The following PSTPIP1 variants were observed in gnomAD, a reference collection of about 807,000 sequenced individuals.
PSTPIP1 encodes the protein proline-serine-threonine phosphatase interacting protein 1.
PSTPIP1 carries 66 observed loss-of-function variants against 69.6 expected under a neutral mutation model. That is an observed-to-expected ratio of 0.95 (90% CI 0.78 to 1.16). The LOEUF (loss-of-function observed/expected upper bound fraction) is 1.16. Among genes scored for constraint, PSTPIP1 ranks in the 50% most tolerant of loss-of-function variants. The pLI, the probability that PSTPIP1 is intolerant of heterozygous loss-of-function variation, is 0.00. For synonymous variants in PSTPIP1, 266 were observed against 222.7 expected (o/e 1.19, Z -1.73); for missense variants, 603 against 557.4 (o/e 1.08, Z -0.82).
intron 8 of PSTPIP1, among the ~76,000 whole-genome samples, chr15:77,030,009 G>A (rs1039355978): frequency 1.3e-5 from 2 of 151,968 alleles, no homozygotes; most frequent in Admixed American, 6.5e-5. Context: ...CCACCCACCA[G>A]ACACAGCACC....
intron 14 of PSTPIP1, among the ~76,000 whole-genome samples, chr15:77,036,840 T>TG (rs954003629): frequency 2.6e-5 from 4 of 151,952 alleles, no homozygotes; most frequent in Non-Finnish European, 5.9e-5. Flanking sequence ...AAACCCAGGT[T>TG]GGGGGAGAAC....
intron 1 of PSTPIP1, among the ~76,000 whole-genome samples, chr15:77,017,530 A>AG (rs550138072): frequency 9.1e-4 from 139 of 152,134 alleles, no homozygotes; most frequent in Non-Finnish European, 1.6e-3. Flanking sequence ...GATCTCCGTG[A>AG]GGGGGGGTTT....
rs770854984 is a variant in PSTPIP1, at chr15:77,027,798, A to G, written c.355-54A>G. On this transcript the variant is annotated intron_variant, in intron 5 of 14. Transcript: ENST00000558012. This position sits in a 1 kb window ranked among gnomAD's most constrained non-coding sequence, Gnocchi z 4.3. ...CAGGGACACTCCGTCCTCTTGGCCT[A>G]GGGGAGCCTCCCGAGGCCGCGGCCC... 1 of 1,546,010 alleles carries G rather than the reference A, an allele frequency of 6.5e-7. No homozygotes were observed. The highest frequency in any genetic ancestry group is 1.2e-5 in the South Asian group (1 of 83,752).
In PSTPIP1 at chr15:77,032,911, C is replaced by G. The variant is rs1568521878; in HGVS notation, c.888C>G (p.Thr296=). ...ACGATCGGGAGGTCACCCCGCTGAC[C>G]AGCAGCCCTGGCATACAGCCGTCCT... ...NYYDREVTPL[T]SSPGIQPSCG... The change falls in exon 12 of 15, where the codon ACC becomes ACG. Residue 296 remains threonine, a synonymous_variant. Transcript: ENST00000558012. 6.2e-7 allele frequency: 1 copy of G among 1,605,508 alleles called. No individual in the cohort carries two copies. Among genetic ancestry groups the G allele is most frequent in the Admixed American group, 1.7e-5 (1 of 59,154 alleles).
intron 3 of PSTPIP1, among the ~76,000 whole-genome samples, chr15:77,020,820 G>A (rs1001018732): frequency 2.6e-5 from 4 of 151,996 alleles, no homozygotes; most frequent in Non-Finnish European, 4.4e-5. Context: ...TTTTGGTGGG[G>A]AAGTGTGAGC....
chr15:77,037,033 TC>T lies in PSTPIP1; in HGVS notation c.1120-11del, dbSNP rs1231169202. On this transcript the variant is annotated splice_polypyrimidine_tract_variant and intron_variant, in intron 14 of 14. Coordinates refer to ENST00000558012, the MANE Select transcript of PSTPIP1 (RefSeq NM_003978.5). ...CCCTTCCAACGTCATGCGCTTTCAA[TC>T]TCTTGGCCAGAACCCAGATGAGCTG... 10 of 1,611,134 alleles carry T rather than the reference TC, an allele frequency of 6.2e-6. No homozygotes were observed. Among genetic ancestry groups the T allele is most frequent in the Non-Finnish European group, 8.5e-6 (10 of 1,178,994 alleles).
At chr15:77,020,797 C>T (rs1424492962) in intron 3 of PSTPIP1, among the ~76,000 whole-genome samples, 2 of 152,010 alleles carry the variant, frequency 1.3e-5, no homozygotes, top group Admixed American at 6.5e-5. Context: ...CTCCCCATGC[C>T]AACCTGAAGG....
chr15:76,996,360 A>C (rs557073616), intron 1 of PSTPIP1, among the ~76,000 whole-genome samples: 24 of 152,332 alleles, frequency 1.6e-4, no homozygotes, highest in African/African-American at 5.5e-4. Flanking sequence ...TGGTCATCTC[A>C]GCACTTTTCC....
chr15:77,001,757 G>C (rs2075712838), intron 1 of PSTPIP1, among the ~76,000 whole-genome samples: 1 of 152,222 alleles, frequency 6.6e-6, no homozygotes, highest in Admixed American at 6.5e-5. Flanking sequence ...GTTGTGAAAA[G>C]TGGGGAAATA....
chr15:77,031,356 G>T, intron 10 of PSTPIP1, 78 bp downstream of exon 10: 1 of 1,455,340 alleles, frequency 6.9e-7, no homozygotes. Context: ...ATCTGAGCCG[G>T]TCAACAAGCA....
chr15:77,031,045 C>A, intron 9 of PSTPIP1, 135 bp from the exon 10 acceptor site: 1 of 816,800 alleles, frequency 1.2e-6, no homozygotes, highest in Non-Finnish European at 1.9e-6. Flanking sequence ...GACCCCAGGG[C>A]ACTCTCTCCT....
rs1401415762 is a variant in PSTPIP1, at chr15:76,995,128, A to C, written c.-446A>C. On this transcript the variant is annotated 5_prime_UTR_variant, in exon 1 of 15. Transcript: ENST00000558012. The stretch of plus-strand genomic sequence containing the variant: ...GCCTGCCCCGGGGGAGGTTGCACAA[A>C]CCTTCCTGCGCAGGCCTCGGGCTGC... 8.5e-6 allele frequency: 10 copies of C among 1,174,702 alleles called. No homozygotes were observed. 72.8% of individuals were successfully genotyped at this position (1,174,702 alleles called of 1,614,324 possible). A position where few individuals can be genotyped will look rare whatever the true frequency, so the allele number is the denominator to read the frequency against.
Position 76,995,367 on chromosome 15 carries a change from C to T in PSTPIP1, c.-207C>T. 1 of 1,436,396 alleles carries T rather than the reference C, an allele frequency of 7.0e-7. No individual in the cohort carries two copies. Among genetic ancestry groups the T allele is most frequent in the Non-Finnish European group, 9.1e-7 (1 of 1,099,376 alleles). 89.0% of individuals were successfully genotyped at this position (1,436,396 alleles called of 1,614,324 possible). A position where few individuals can be genotyped will look rare whatever the true frequency, so the allele number is the denominator to read the frequency against. On this transcript the variant is annotated 5_prime_UTR_variant, in exon 1 of 15. Transcript: ENST00000558012. ...TTCCTCATTTTGCTGCTGATTCTAG[C>T]CCCAAACAAAACAGGTTGAGCTTTT... is the stretch of plus-strand genomic sequence containing the variant.
chr15:77,034,063 A>G (rs1418195935), intron 12 of PSTPIP1, among the ~76,000 whole-genome samples: 1 of 152,032 alleles, frequency 6.6e-6, no homozygotes, highest in Admixed American at 6.6e-5. Flanking sequence ...GATGTCCTGC[A>G]GGGCCGAGGG....
chr15:77,005,551 A>G (rs1444497563), intron 1 of PSTPIP1, among the ~76,000 whole-genome samples: 1 of 152,210 alleles, frequency 6.6e-6, no homozygotes, highest in Non-Finnish European at 1.5e-5. Flanking sequence ...ACAATTTTTA[A>G]GTATATGATT....
At chr15:77,019,743 G>A (rs2076124879) in intron 3 of PSTPIP1, among the ~76,000 whole-genome samples, 1 of 152,082 alleles carries the variant, frequency 6.6e-6, no homozygotes, top group Non-Finnish European at 1.5e-5. Context: ...CCCAAGGGAA[G>A]GGCTGAGGGC....
intron 5 of PSTPIP1, among the ~76,000 whole-genome samples, chr15:77,026,434 A>G (rs1281503184): frequency 6.6e-6 from 1 of 152,230 alleles, no homozygotes; most frequent in African/African-American, 2.4e-5. Context: ...GAAAAGTCAC[A>G]ACTGAGCCTT....
At position 77,037,241 on chromosome 15, in the gene PSTPIP1, C is replaced by T. The variant is rs2076604148; in HGVS notation, c.*65C>T. ...GAGCCAGCAGTGCCCCCAGCACTGT[C>T]CCCACCTTGCTAGGGCCCAGAACCA... is the stretch of plus-strand genomic sequence containing the variant. On this transcript the variant is annotated 3_prime_UTR_variant, in exon 15 of 15. Transcript: ENST00000558012. The T allele has an allele frequency of 4.6e-6, 7 of 1,537,134 alleles. No homozygotes were observed. In the Admixed American group the frequency reaches 1.2e-4, roughly 26 times the overall value.
intron 10 of PSTPIP1, 110 bp from the exon 11 acceptor site, chr15:77,032,188 G>T: frequency 9.2e-7 from 1 of 1,089,332 alleles, no homozygotes; most frequent in Non-Finnish European, 1.3e-6. Context: ...CCCGAGCCGC[G>T]CACAATGGCC....
Sources: gnomAD v4.1 joint callset for allele counts (sites outside exome capture counted in the v4.1 genomes callset) on GRCh38, gnomAD v4.1.1 for gene constraint, Gnocchi (gnomAD v3.1) non-coding constraint, MANE v1.5 for transcripts, NCBI Gene and HGNC (gene_info 2026-07-23, HGNC 2026-07-21) for gene names.